Variants in ANKRD6 observed in about 807,000 individuals in gnomAD.
The protein encoded by ANKRD6 is ankyrin repeat domain 6.
In ANKRD6, 56 loss-of-function variants were observed where a neutral mutation model predicts 82.3. The ratio of observed to expected loss-of-function variants is 0.68; its 90% CI spans 0.55 to 0.85. The LOEUF (loss-of-function observed/expected upper bound fraction) is 0.85, where lower values mean the gene tolerates loss of function less well. Ranked by LOEUF, ANKRD6 falls within the 40% of genes least tolerant of loss-of-function variation. The probability of loss-of-function intolerance (pLI) is 0.00; values close to 1 mark genes in which losing one functional copy is unlikely to be tolerated. For missense variants in ANKRD6, 852 were observed against 907.6 expected (o/e 0.94, Z 0.79); for synonymous variants, 347 against 352.1 (o/e 0.99, Z 0.16).
chr6:89,495,231 T>TCAAAACAAAACAAAA (rs61057432), intron 1 of ANKRD6, among the ~76,000 whole-genome samples: 9 of 152,000 alleles, frequency 5.9e-5, no homozygotes, highest in East Asian at 1.9e-4. Flanking sequence ...AGACTCCATC[T>TCAAAACAAAACAAAA]CAAAACAAAA....
chr6:89,568,453 G>A (rs1281207491), intron 2 of ANKRD6: 1 of 152,116 alleles, frequency 6.6e-6, no homozygotes, highest in African/African-American at 2.4e-5. Flanking sequence ...GCTTTATTAA[G>A]ATATAATTTA....
intron 1 of ANKRD6, among the ~76,000 whole-genome samples, chr6:89,448,060 G>A (rs1367191269): frequency 6.6e-6 from 1 of 152,100 alleles, no homozygotes; most frequent in African/African-American, 2.4e-5. Context: ...GCCGACTCTG[G>A]TTAGGAGCTA....
chr6:89,507,237 A>G (rs1483852909), intron 1 of ANKRD6, among the ~76,000 whole-genome samples: 1 of 152,214 alleles, frequency 6.6e-6, no homozygotes, highest in Non-Finnish European at 1.5e-5. Context: ...TATGGTTCAT[A>G]TCATTACATA....
intron 1 of ANKRD6, among the ~76,000 whole-genome samples, chr6:89,487,519 A>G (rs901512798): frequency 6.6e-6 from 1 of 152,208 alleles, no homozygotes; most frequent in Non-Finnish European, 1.5e-5. Context: ...AGCATTAAAA[A>G]ATTCAGCTTG....
At chr6:89,575,649 C>T (rs1790951612) in intron 2 of ANKRD6, among the ~76,000 whole-genome samples, 1 of 152,106 alleles carries the variant, frequency 6.6e-6, no homozygotes, top group African/African-American at 2.4e-5. Context: ...TTGTATAAAA[C>T]ATTTCCGAAT....
intron 1 of ANKRD6, among the ~76,000 whole-genome samples, chr6:89,492,442 C>T (rs1272238244): frequency 6.6e-6 from 1 of 152,130 alleles, no homozygotes; most frequent in Non-Finnish European, 1.5e-5. Context: ...GTTTGTTACC[C>T]AGGTGGCTGT....
At chr6:89,497,650 T>C (rs1357553835) in intron 1 of ANKRD6, among the ~76,000 whole-genome samples, 1 of 152,176 alleles carries the variant, frequency 6.6e-6, no homozygotes, top group African/African-American at 2.4e-5. Flanking sequence ...GTGGATATGT[T>C]TTTTTCTCTC....
At chr6:89,449,243 C>T (rs1772513255) in intron 1 of ANKRD6, among the ~76,000 whole-genome samples, 1 of 152,042 alleles carries the variant, frequency 6.6e-6, no homozygotes, top group African/African-American at 2.4e-5. Flanking sequence ...ACCCTCGGGT[C>T]ACTTTGAGGG....
At chr6:89,588,994 CAAAAAAA>C (rs34892881) in intron 2 of ANKRD6, among the ~76,000 whole-genome samples, 4 of 48,314 alleles carry the variant, frequency 8.3e-5, no homozygotes, top group Non-Finnish European at 1.1e-4. Context: ...GACTCTGTCT[CAAAAAAA>C]AAAAAAAAAA....
At chr6:89,523,205 G>A (rs564668650) in intron 1 of ANKRD6, among the ~76,000 whole-genome samples, 29 of 152,194 alleles carry the variant, frequency 1.9e-4, no homozygotes, top group South Asian at 2.1e-4. Flanking sequence ...TCTCAGGTTT[G>A]CGTTAGACAA....
chr6:89,584,851 C>T (rs72911845), intron 2 of ANKRD6, among the ~76,000 whole-genome samples: 7,884 of 152,186 alleles, frequency 0.052, 286 homozygotes, highest in Non-Finnish European at 0.078. Context: ...CCTACAGATT[C>T]AGTTCCTGGT....
chr6:89,510,329 T>A (rs1420490781), intron 1 of ANKRD6, among the ~76,000 whole-genome samples: 1 of 152,166 alleles, frequency 6.6e-6, no homozygotes, highest in Non-Finnish European at 1.5e-5. Context: ...GTGCCTAACG[T>A]TTTAAGGGGC....
At chr6:89,622,687 A>G (rs1251641372) in intron 10 of ANKRD6, among the ~76,000 whole-genome samples, 1 of 152,130 alleles carries the variant, frequency 6.6e-6, no homozygotes, top group Non-Finnish European at 1.5e-5. Flanking sequence ...CTCTTGCCCC[A>G]CACCTCCACC....
At chr6:89,509,493 C>T (rs182568493) in intron 1 of ANKRD6, among the ~76,000 whole-genome samples, 8 of 152,250 alleles carry the variant, frequency 5.3e-5, no homozygotes, top group African/African-American at 1.4e-4. Flanking sequence ...CTAAGTAAGA[C>T]GTGGAAGTCC....
intron 1 of ANKRD6, among the ~76,000 whole-genome samples, chr6:89,456,778 A>G (rs1477352096): frequency 2.6e-5 from 4 of 152,228 alleles, no homozygotes; most frequent in Non-Finnish European, 5.9e-5. Flanking sequence ...AGGATCATCC[A>G]TGAAGGACAG....
At chr6:89,616,413 C>A (rs1583814603) in intron 7 of ANKRD6, 146 bp from the exon 8 acceptor site, 5 of 665,924 alleles carry the variant, frequency 7.5e-6, no homozygotes, top group African/African-American at 1.8e-5. Context: ...AGTAGAGCCT[C>A]ATAACGCTTT....
intron 2 of ANKRD6, among the ~76,000 whole-genome samples, chr6:89,576,578 C>T (rs1377183603): frequency 2.6e-5 from 4 of 152,166 alleles, no homozygotes; most frequent in African/African-American, 7.2e-5. Flanking sequence ...ATATTTTGAG[C>T]TTCAGCTGTG....
At chr6:89,565,606 C>T (rs1433245712) in intron 1 of ANKRD6, among the ~76,000 whole-genome samples, 3 of 152,322 alleles carry the variant, frequency 2.0e-5, no homozygotes, top group East Asian at 1.9e-4. Flanking sequence ...CCACGGTGAA[C>T]GAGTTCAAAC....
chr6:89,479,601 T>TTTTA lies in ANKRD6; in HGVS notation c.-144+46253_-144+46256dup, dbSNP rs529057283. On this transcript the variant is annotated intron_variant, in intron 1 of 15. Transcript: ENST00000339746. ...AATTATTTCTTTTTTTATTTTTTAT[T>TTTTA]TTTATTTATTTATTTATTTATTTAT... 7.1e-3 allele frequency among the ~76,000 whole-genome samples: 1,057 copies of TTTTA among 149,710 alleles called. 7 individuals carry two copies. Among genetic ancestry groups the TTTTA allele is most frequent in the Middle Eastern group, 0.024 (7 of 288 alleles).
Sources: allele counts gnomAD v4.1 joint callset (sites outside exome capture counted in the v4.1 genomes callset), GRCh38; gene constraint gnomAD v4.1.1; transcripts MANE v1.5; gene names NCBI Gene and HGNC (gene_info 2026-07-23, HGNC 2026-07-21).